EPM2A: variants seen among roughly 807,000 people sequenced by gnomAD.
EPM2A encodes the protein EPM2A glucan phosphatase, laforin.
A neutral mutation model predicts 26.5 loss-of-function variants in EPM2A; 21 were observed. The ratio of observed to expected loss-of-function variants is 0.79; its 90% CI spans 0.56 to 1.14. EPM2A has a LOEUF of 1.14. Among genes scored for constraint, EPM2A ranks in the 50% most tolerant of loss-of-function variants. The probability of loss-of-function intolerance (pLI) is 0.00; values close to 1 mark genes in which losing one functional copy is unlikely to be tolerated. For synonymous variants in EPM2A, 217 were observed against 177.6 expected, an observed-to-expected ratio of 1.22 and a Z score of -1.76; for missense variants, 458 against 440.8, an observed-to-expected ratio of 1.04 and a Z score of -0.35.
chr6:145,673,665 G>A (rs915565032), intron 2 of EPM2A, among the ~76,000 whole-genome samples: 1 of 152,146 alleles, frequency 6.6e-6, no homozygotes, highest in Non-Finnish European at 1.5e-5. Flanking sequence ...ACGGAGCCTT[G>A]TTGACTGCTA....
intron 2 of EPM2A, among the ~76,000 whole-genome samples, chr6:145,526,664 A>G (rs1034281982): frequency 3.0e-4 from 46 of 152,030 alleles, no homozygotes; most frequent in African/African-American, 1.0e-3. Flanking sequence ...GATTATGCTT[A>G]TTTGAAAGTT....
intron 1 of EPM2A, among the ~76,000 whole-genome samples, chr6:145,689,988 G>A (rs369090661): frequency 3.3e-5 from 5 of 152,216 alleles, no homozygotes; most frequent in African/African-American, 9.6e-5. Context: ...CCGACCATCA[G>A]TGGATGCCAT....
At chr6:145,722,937 A>C (rs936611734) in intron 1 of EPM2A, among the ~76,000 whole-genome samples, 1 of 152,160 alleles carries the variant, frequency 6.6e-6, no homozygotes, top group Non-Finnish European at 1.5e-5. Context: ...CGGCACCTTC[A>C]TTTTGGGCCT....
chr6:145,414,920 AG>A (rs1316024726), intron 4 of EPM2A, among the ~76,000 whole-genome samples: 2 of 152,346 alleles, frequency 1.3e-5, no homozygotes, highest in African/African-American at 2.4e-5. Flanking sequence ...TTTCTAAAAA[AG>A]GTTATTTTTA....
At chr6:145,413,370 T>C (rs886209446) in intron 4 of EPM2A, among the ~76,000 whole-genome samples, 2 of 152,174 alleles carry the variant, frequency 1.3e-5, no homozygotes, top group African/African-American at 4.8e-5. Flanking sequence ...GATGAAGACT[T>C]GAAGTTTTGT....
At chr6:145,419,588 G>A (rs1778755939) in intron 4 of EPM2A, among the ~76,000 whole-genome samples, 1 of 152,112 alleles carries the variant, frequency 6.6e-6, no homozygotes, top group Admixed American at 6.6e-5. Flanking sequence ...TAGCACAAGG[G>A]CCTTCAATTT....
intron 2 of EPM2A, among the ~76,000 whole-genome samples, chr6:145,524,810 T>C (rs771646590): frequency 2.0e-5 from 3 of 152,152 alleles, no homozygotes; most frequent in Non-Finnish European, 4.4e-5. Flanking sequence ...TTGTTGCAGT[T>C]GTTTTTTATA....
chr6:145,635,639 A>G, intron 2 of EPM2A, 153 bp from the exon 3 acceptor site: 1 of 728,150 alleles, frequency 1.4e-6, no homozygotes, highest in South Asian at 1.8e-5. Context: ...CAATGTTATT[A>G]TTGAAAGAAA....
rs376863050 is a variant in EPM2A at position 145,473,353 on chromosome 6, T to C, written c.555+29169A>G. ...AGCTTGAAGACAGACTATTTGAAAA[T>C]ATACAGAGAAGACAAAAGAAAAAAA... is the stretch of plus-strand genomic sequence containing the variant. On this transcript the variant is annotated intron_variant, in intron 4 of 4. Coordinates refer to the EPM2A transcript ENST00000638717. 2.9e-4 allele frequency among the ~76,000 whole-genome samples: 43 copies of C among 149,262 alleles called. No homozygotes were observed. The East Asian group carries it at 4.9e-3, about 17-fold the overall frequency.
chr6:145,690,551 C>T (rs1291474926), intron 1 of EPM2A, among the ~76,000 whole-genome samples: 1 of 145,690 alleles, frequency 6.9e-6, no homozygotes, highest in African/African-American at 2.5e-5. Context: ...AAAGAGCTAA[C>T]CTCATTACAT....
At chr6:145,500,292 A>T (rs1272902087), downstream of EPM2A, among the ~76,000 whole-genome samples, 2 of 152,202 alleles carry the variant, frequency 1.3e-5, no homozygotes, top group East Asian at 1.9e-4. Flanking sequence ...ATTCCAGAAC[A>T]TGTAAATTCT....
intron 2 of EPM2A, among the ~76,000 whole-genome samples, chr6:145,506,052 C>T (rs1043812354): frequency 3.9e-5 from 6 of 152,122 alleles, no homozygotes; most frequent in Non-Finnish European, 7.4e-5. Flanking sequence ...AAATGCAGCC[C>T]CTCTAGGTGG....
chr6:145,436,714 T>C (rs992598388), intron 4 of EPM2A, among the ~76,000 whole-genome samples: 16 of 152,180 alleles, frequency 1.1e-4, no homozygotes, highest in African/African-American at 3.6e-4. Flanking sequence ...TTTTATTTCT[T>C]TTTTTCTATT....
At chr6:145,459,019 G>A (rs1341661000) in intron 4 of EPM2A, among the ~76,000 whole-genome samples, 4 of 152,134 alleles carry the variant, frequency 2.6e-5, no homozygotes, top group East Asian at 1.9e-4. Flanking sequence ...AAGTGGAAAG[G>A]ACTTTGTTTT....
chr6:145,686,686 C>T (rs575525772), intron 1 of EPM2A, among the ~76,000 whole-genome samples: 32 of 151,940 alleles, frequency 2.1e-4, no homozygotes, highest in African/African-American at 6.8e-4. Flanking sequence ...TGCAAATTTA[C>T]GAATAAAATC....
intron 2 of EPM2A, among the ~76,000 whole-genome samples, chr6:145,593,806 T>C (rs1781305959): frequency 1.3e-5 from 2 of 151,704 alleles, no homozygotes; most frequent in South Asian, 2.1e-4. Flanking sequence ...ATGCATATTA[T>C]TAGAAAAAAG....
rs1778841131 is a variant in EPM2A at position 145,425,292 on chromosome 6, G to A, written c.556-41195C>T. On this transcript the variant is annotated intron_variant, in intron 4 of 4. Transcript: ENST00000638717. ...AGGTTCAAGCGATTCTCCCACCTCG[G>A]CCTCCTGAGTAGCTGGGATTACAGG... is the stretch of plus-strand genomic sequence containing the variant. Among the ~76,000 whole-genome samples the A allele has an allele frequency of 2.0e-5, 3 of 151,918 alleles. No homozygotes were observed. In the South Asian group the frequency reaches 6.2e-4, roughly 32 times the overall value.
At chr6:145,427,567 T>C (rs1310408126) in intron 4 of EPM2A, among the ~76,000 whole-genome samples, 2 of 152,118 alleles carry the variant, frequency 1.3e-5, no homozygotes, top group Admixed American at 6.5e-5. Context: ...TGAGAGCCAA[T>C]AGAAGAGTAA....
At chr6:145,701,797 A>G (rs1384824519) in intron 1 of EPM2A, among the ~76,000 whole-genome samples, 1 of 152,216 alleles carries the variant, frequency 6.6e-6, no homozygotes, top group Non-Finnish European at 1.5e-5. Flanking sequence ...ATTTAATTCA[A>G]AACTATTCCA....
Sources: gnomAD v4.1 joint callset for allele counts (sites outside exome capture counted in the v4.1 genomes callset) on GRCh38, gnomAD v4.1.1 for gene constraint, MANE v1.5 for transcripts, NCBI Gene and HGNC (gene_info 2026-07-23, HGNC 2026-07-21) for gene names.